KAZN: variants seen among roughly 807,000 people sequenced by gnomAD.
KAZN encodes the protein kazrin.
A neutral mutation model predicts 87.4 loss-of-function variants in KAZN; 40 were observed. The observed-to-expected ratio is 0.46, with a 90% CI of 0.36 to 0.60. The LOEUF is 0.60. KAZN is among the 20% of genes least tolerant of loss of function. The pLI, the probability that KAZN is intolerant of heterozygous loss-of-function variation, is 0.00. For synonymous variants in KAZN, 466 were observed against 458.3 expected (o/e 1.02, Z -0.22); for missense variants, 898 against 1,073.9 (o/e 0.84, Z 2.29).
intron 2 of KAZN, among the ~76,000 whole-genome samples, chr1:15,026,714 A>G (rs1671199124): frequency 1.5e-5 from 1 of 64,864 alleles, no homozygotes; most frequent in Admixed American, 1.9e-4. Flanking sequence ...AAGGATCGAA[A>G]ATAATTTGGA....
intron 1 of KAZN, among the ~76,000 whole-genome samples, chr1:14,123,218 C>T (rs1644788801): frequency 6.6e-6 from 1 of 152,206 alleles, no homozygotes; most frequent in African/African-American, 2.4e-5. Flanking sequence ...CTGCATTCTA[C>T]CTGCTTTTTG....
At chr1:14,944,143 G>A (rs946429907) in intron 1 of KAZN, among the ~76,000 whole-genome samples, 1 of 151,770 alleles carries the variant, frequency 6.6e-6, no homozygotes, top group Non-Finnish European at 1.5e-5. Context: ...GTTTTCTTGT[G>A]GGGGAAGAAA....
At chr1:14,840,112 A>G (rs1413260602) in intron 1 of KAZN, among the ~76,000 whole-genome samples, 2 of 151,416 alleles carry the variant, frequency 1.3e-5, no homozygotes, top group Non-Finnish European at 2.9e-5. Flanking sequence ...TGTTGTTCTC[A>G]TGGGCTGCTT....
At chr1:14,059,581 G>T (rs1156455313) in intron 1 of KAZN, among the ~76,000 whole-genome samples, 1 of 152,174 alleles carries the variant, frequency 6.6e-6, no homozygotes. Flanking sequence ...GGACTCAAAA[G>T]TCAATCTCCT....
chr1:14,750,794 A>G (rs1393738245), intron 1 of KAZN, among the ~76,000 whole-genome samples: 1 of 152,190 alleles, frequency 6.6e-6, no homozygotes, highest in East Asian at 1.9e-4. Context: ...AGGAGTGTCT[A>G]TGCTTTAGAA....
intron 1 of KAZN, among the ~76,000 whole-genome samples, chr1:14,748,350 G>C (rs1349472958): frequency 2.6e-5 from 4 of 152,150 alleles, no homozygotes; most frequent in South Asian, 4.1e-4. Context: ...GTTTCCTCTG[G>C]GGATATAGAG....
intron 1 of KAZN, among the ~76,000 whole-genome samples, chr1:14,727,450 CTTTTTTTTTTTTTTTTTTT>C (rs57203868): frequency 2.8e-4 from 21 of 73,904 alleles, no homozygotes; most frequent in South Asian, 5.1e-4. Context: ...TGTGCACTTT[CTTTTTTTTTTTTTTTTTTT>C]TTTTTTTTTT....
chr1:14,689,941 G>A (rs1393503071), intron 1 of KAZN, among the ~76,000 whole-genome samples: 1 of 152,200 alleles, frequency 6.6e-6, no homozygotes, highest in Non-Finnish European at 1.5e-5. Flanking sequence ...CAGAGTGAAA[G>A]GGGCATCTGA....
intron 1 of KAZN, among the ~76,000 whole-genome samples, chr1:14,959,957 C>T (rs1305513123): frequency 1.3e-5 from 2 of 152,184 alleles, no homozygotes; most frequent in African/African-American, 4.8e-5. Context: ...TGGGGCCTCA[C>T]TGTATGTAGG....
intron 1 of KAZN, among the ~76,000 whole-genome samples, chr1:13,938,541 C>T (rs1640822662): frequency 6.6e-6 from 1 of 152,180 alleles, no homozygotes. Context: ...TTCCTGATTT[C>T]TCTAGCTAGG....
intron 1 of KAZN, among the ~76,000 whole-genome samples, chr1:14,048,960 A>G (rs1237179619): frequency 6.6e-6 from 1 of 152,194 alleles, no homozygotes; most frequent in Admixed American, 6.5e-5. Context: ...AATGATCGCC[A>G]TTCTAACTGG....
intron 1 of KAZN, among the ~76,000 whole-genome samples, chr1:13,934,470 A>G (rs1640646088): frequency 6.6e-6 from 1 of 152,238 alleles, no homozygotes; most frequent in South Asian, 2.1e-4. Flanking sequence ...TCCTATAAGC[A>G]GAACAAATGA....
intron 2 of KAZN, among the ~76,000 whole-genome samples, chr1:14,292,760 C>T (rs897721680): frequency 6.6e-6 from 1 of 152,178 alleles, no homozygotes; most frequent in South Asian, 2.1e-4. Flanking sequence ...TCATGTTGGC[C>T]GCAGGCTCAC....
intron 2 of KAZN, among the ~76,000 whole-genome samples, chr1:14,530,898 T>C (rs572109473): frequency 6.6e-6 from 1 of 152,232 alleles, no homozygotes; most frequent in Non-Finnish European, 1.5e-5. Context: ...TTGGGCAACA[T>C]GGCGAAACCT....
chr1:14,112,924 G>C (rs1239964218), intron 1 of KAZN, among the ~76,000 whole-genome samples: 6 of 152,222 alleles, frequency 3.9e-5, no homozygotes, highest in Non-Finnish European at 7.3e-5. Flanking sequence ...AGAGTTCAAA[G>C]TGCTGTGCGG....
chr1:13,975,557 A>G (rs1638308518), intron 1 of KAZN, among the ~76,000 whole-genome samples: 1 of 152,226 alleles, frequency 6.6e-6, no homozygotes, highest in Admixed American at 6.5e-5. Context: ...AATTATAGCT[A>G]CCCAAACATG....
rs149013186 is a variant in KAZN at position 13,990,769 on chromosome 1, C to T, written c.91+97013C>T. ...TGTACTGATGTTTGCAGCTTTGAAA[C>T]GCATGACTAAATGAAATGAATGGAC... On this transcript the variant is annotated intron_variant, in intron 1 of 16. Transcript: ENST00000636203. Among the ~76,000 whole-genome samples the T allele has an allele frequency of 5.7e-3, 863 of 152,178 alleles. 6 individuals are homozygous for T. Among genetic ancestry groups the T allele is most frequent in the Non-Finnish European group, 8.7e-3 (589 of 68,020 alleles).
chr1:14,608,450 C>T lies in KAZN; in HGVS notation c.226+9227C>T, dbSNP rs77902575. On this transcript the variant is annotated intron_variant, in intron 1 of 14. Transcript: ENST00000376030. ...AAATACAGGAGCCTTCACAGATGTG[C>T]ATGACAATGGTAATACGTAATAAAA... Among the ~76,000 whole-genome samples the T allele has an allele frequency of 2.0e-5, 3 of 152,310 alleles. No homozygotes were observed. The South Asian group carries it at 6.2e-4, about 32-fold the overall frequency.
chr1:14,378,870 A>G (rs1200987295), intron 2 of KAZN, among the ~76,000 whole-genome samples: 2 of 151,922 alleles, frequency 1.3e-5, no homozygotes, highest in Admixed American at 6.6e-5. Context: ...CTCAGAACCA[A>G]TGGACTTGGG....
Sources: allele counts gnomAD v4.1 joint callset (sites outside exome capture counted in the v4.1 genomes callset), GRCh38; gene constraint gnomAD v4.1.1; transcripts MANE v1.5; gene names NCBI Gene and HGNC (gene_info 2026-07-23, HGNC 2026-07-21).